ABHD3: variants seen among roughly 807,000 people sequenced by gnomAD.
ABHD3 encodes abhydrolase domain containing 3, phospholipase.
In ABHD3, 46 loss-of-function variants were observed where a neutral mutation model predicts 48.8. The ratio of observed to expected loss-of-function variants is 0.94; its 90% CI spans 0.74 to 1.20. The LOEUF (loss-of-function observed/expected upper bound fraction) is 1.20, where lower values mean the gene tolerates loss of function less well. ABHD3 is among the 50% of genes most tolerant of loss of function. ABHD3 has a pLI of 0.00. For synonymous variants in ABHD3, 192 were observed against 183.7 expected (o/e 1.04, Z -0.36); for missense variants, 490 against 497.8 (o/e 0.98, Z 0.15).
intron 4 of ABHD3, among the ~76,000 whole-genome samples, chr18:21,671,326 A>C (rs1481144392): frequency 6.6e-6 from 1 of 152,160 alleles, no homozygotes; most frequent in Admixed American, 6.6e-5. Flanking sequence ...CTTTCTTCAC[A>C]GGAGCTGAAG....
chr18:21,694,453 C>G (rs950376751), intron 3 of ABHD3, among the ~76,000 whole-genome samples: 6 of 152,144 alleles, frequency 3.9e-5, no homozygotes, highest in Non-Finnish European at 7.3e-5. Context: ...TACACTGAGT[C>G]TCTCAAGAAT....
At chr18:21,672,991 G>T (rs963943524) in intron 4 of ABHD3, among the ~76,000 whole-genome samples, 2 of 152,328 alleles carry the variant, frequency 1.3e-5, no homozygotes, top group Non-Finnish European at 2.9e-5. Flanking sequence ...CAGCGCTCCA[G>T]ATGGCAGCCG....
chr18:21,685,706 T>C (rs1338772669), intron 3 of ABHD3, among the ~76,000 whole-genome samples: 1 of 149,132 alleles, frequency 6.7e-6, no homozygotes, highest in Non-Finnish European at 1.5e-5. Context: ...ATTTTTATTC[T>C]TTTTTTTTTG....
intron 3 of ABHD3, among the ~76,000 whole-genome samples, chr18:21,684,430 T>C (rs943422400): frequency 4.7e-5 from 7 of 148,212 alleles, no homozygotes; most frequent in Non-Finnish European, 1.0e-4. Context: ...GCGATTCTCC[T>C]GCCTCAGCCT....
At chr18:21,679,750 C>T (rs1204415323) in intron 4 of ABHD3, among the ~76,000 whole-genome samples, 1 of 152,198 alleles carries the variant, frequency 6.6e-6, no homozygotes, top group Non-Finnish European at 1.5e-5. Context: ...TGGTCTCAAA[C>T]TCCTGACCTC....
intron 5 of ABHD3, among the ~76,000 whole-genome samples, chr18:21,659,807 T>C (rs1371473083): frequency 6.6e-6 from 1 of 152,076 alleles, no homozygotes; most frequent in Admixed American, 6.6e-5. Context: ...TAGCTGGGAT[T>C]ACAGGCATGC....
At chr18:21,664,055 C>T in intron 5 of ABHD3, 63 bp downstream of exon 5, 1 of 1,538,456 alleles carries the variant, frequency 6.5e-7, no homozygotes, top group Non-Finnish European at 8.7e-7. Flanking sequence ...ATAGTCCTCT[C>T]AAAGAGACAG....
intron 4 of ABHD3, among the ~76,000 whole-genome samples, chr18:21,674,523 C>T (rs2039832284): frequency 6.6e-6 from 1 of 152,144 alleles, no homozygotes; most frequent in South Asian, 2.1e-4. Context: ...GCTGGGATTA[C>T]AGGTGTGAGC....
intron 3 of ABHD3, among the ~76,000 whole-genome samples, chr18:21,691,593 C>T (rs1473171277): frequency 6.6e-6 from 1 of 152,142 alleles, no homozygotes; most frequent in Non-Finnish European, 1.5e-5. Flanking sequence ...TATTACATGC[C>T]TAACTCATGA....
intron 3 of ABHD3, among the ~76,000 whole-genome samples, chr18:21,697,332 C>T (rs12326135): frequency 0.011 from 1,644 of 152,002 alleles, 30 homozygotes; most frequent in African/African-American, 0.037. Flanking sequence ...CTCGGACTCC[C>T]GAAGTGCTGG....
At chr18:21,667,250 T>C (rs2039654870) in intron 4 of ABHD3, among the ~76,000 whole-genome samples, 1 of 140,922 alleles carries the variant, frequency 7.1e-6, no homozygotes, top group African/African-American at 2.7e-5. Context: ...TTTTTTTTTT[T>C]TTTTTTTTTT....
chr18:21,661,102 TAA>T (rs35710540), intron 5 of ABHD3, among the ~76,000 whole-genome samples: 26 of 57,218 alleles, frequency 4.5e-4, no homozygotes, highest in African/African-American at 1.8e-3. Context: ...AACTACAAGC[TAA>T]AAAAAAAAAA....
chr18:21,677,041 C>T (rs963977660), intron 4 of ABHD3, among the ~76,000 whole-genome samples: 1 of 152,114 alleles, frequency 6.6e-6, no homozygotes, highest in Non-Finnish European at 1.5e-5. Context: ...CATCGTCCAC[C>T]TCAAGCCTTA....
chr18:21,670,933 G>C (rs1007520858), intron 4 of ABHD3, among the ~76,000 whole-genome samples: 12 of 152,314 alleles, frequency 7.9e-5, no homozygotes, highest in Non-Finnish European at 1.3e-4. Flanking sequence ...AGGATTGCTT[G>C]AACTCGGGAA....
At chr18:21,655,373 C>T (rs1349035927) in intron 8 of ABHD3, among the ~76,000 whole-genome samples, 3 of 151,362 alleles carry the variant, frequency 2.0e-5, no homozygotes, top group East Asian at 3.9e-4. Flanking sequence ...CTGCAACCTC[C>T]GCCTCCTGGT....
At position 21,659,209 on chromosome 18, in the gene ABHD3, T is replaced by C. The variant is rs745785746; in HGVS notation, c.803A>G (p.Asn268Ser). 3 of 1,613,660 alleles carry C rather than the reference T, an allele frequency of 1.9e-6. No individual in the cohort carries two copies. Among genetic ancestry groups the C allele is most frequent in the Non-Finnish European group, 2.5e-6 (3 of 1,179,852 alleles). ...LEKPLNWLLF[N>S]YYLTTCLQSS... ...CTGAAGGCAGGTTGTCAAATAGTAATTAAAAAGTAGCCAGTTCAGTGGTTT... is the reference window on the plus strand; with the variant it reads ...CTGAAGGCAGGTTGTCAAATAGTAACTAAAAAGTAGCCAGTTCAGTGGTTT... The change falls in exon 6 of 9, where the codon AAT becomes AGT. Residue 268 changes from asparagine (N) to serine (S), a missense_variant. Physicochemically the swap from Asn to Ser is conservative, Grantham distance 46. Transcript: ENST00000289119.
chr18:21,666,659 T>C (rs566501812), intron 4 of ABHD3, among the ~76,000 whole-genome samples: 1 of 152,328 alleles, frequency 6.6e-6, no homozygotes, highest in Non-Finnish European at 1.5e-5. Context: ...AGTATGTATA[T>C]ACAGATAGCC....
At chr18:21,682,792 T>A (rs1255574708) in intron 4 of ABHD3, 1 of 152,220 alleles carries the variant, frequency 6.6e-6, no homozygotes, top group Non-Finnish European at 1.5e-5. Context: ...CTGCTCAAAA[T>A]GATTTGCCTG....
At chr18:21,684,386 C>T (rs764253335) in intron 3 of ABHD3, among the ~76,000 whole-genome samples, 9 of 135,034 alleles carry the variant, frequency 6.7e-5, no homozygotes, top group South Asian at 2.4e-4. Flanking sequence ...GGTGCGATCT[C>T]GGCTCACTGC....
Sources: allele counts gnomAD v4.1 joint callset (sites outside exome capture counted in the v4.1 genomes callset), GRCh38; gene constraint gnomAD v4.1.1; transcripts MANE v1.5; gene names NCBI Gene and HGNC (gene_info 2026-07-23, HGNC 2026-07-21).